The following NRG3 variants were observed in gnomAD, a reference collection of about 807,000 sequenced individuals.
NRG3 encodes pro-neuregulin-3, membrane-bound isoform.
NRG3 carries 31 observed loss-of-function variants against 66.9 expected under a neutral mutation model. The observed-to-expected ratio is 0.46, with a 90% CI of 0.35 to 0.63. The LOEUF is 0.63. NRG3 is among the 20% of genes least tolerant of loss of function. NRG3 has a pLI of 0.00. For missense variants in NRG3, 910 were observed against 878.9 expected, an observed-to-expected ratio of 1.04 and a Z score of -0.45; for synonymous variants, 393 against 359.4, an observed-to-expected ratio of 1.09 and a Z score of -1.06.
At chr10:82,360,059 A>G (rs1329841998) in intron 2 of NRG3, among the ~76,000 whole-genome samples, 2 of 152,142 alleles carry the variant, frequency 1.3e-5, no homozygotes, top group Non-Finnish European at 2.9e-5. Flanking sequence ...TAGAACTGTG[A>G]CCTTTCCTCA....
At chr10:82,575,731 T>C (rs2045987972) in intron 2 of NRG3, among the ~76,000 whole-genome samples, 1 of 151,798 alleles carries the variant, frequency 6.6e-6, no homozygotes, top group African/African-American at 2.4e-5. Flanking sequence ...TATAGATTAA[T>C]TGAAACAGCA....
At chr10:82,445,942 C>T (rs2090699218) in intron 2 of NRG3, among the ~76,000 whole-genome samples, 3 of 152,174 alleles carry the variant, frequency 2.0e-5, no homozygotes, top group South Asian at 4.1e-4. Flanking sequence ...CTCTAATGTG[C>T]TTCTTTGGCC....
intron 1 of NRG3, among the ~76,000 whole-genome samples, chr10:82,309,257 C>T (rs541121556): frequency 2.6e-5 from 4 of 152,248 alleles, no homozygotes; most frequent in South Asian, 2.1e-4. Flanking sequence ...GGGTTTTATA[C>T]AAATTGTTAT....
intron 1 of NRG3, among the ~76,000 whole-genome samples, chr10:81,925,953 T>C (rs1044973581): frequency 6.6e-6 from 1 of 151,952 alleles, no homozygotes; most frequent in Admixed American, 6.6e-5. Context: ...TAAATTACAG[T>C]GACTGTAAGA....
At chr10:82,843,606 TA>T (rs2063167620) in intron 3 of NRG3, among the ~76,000 whole-genome samples, 1 of 152,098 alleles carries the variant, frequency 6.6e-6, no homozygotes, top group South Asian at 2.1e-4. Context: ...TTAAAATAAA[TA>T]CAAACAACTG....
chr10:82,365,020 T>G (rs2084430785), intron 2 of NRG3, among the ~76,000 whole-genome samples: 1 of 152,178 alleles, frequency 6.6e-6, no homozygotes, highest in African/African-American at 2.4e-5. Flanking sequence ...AAATAAAAGC[T>G]TCCATTTTTA....
intron 1 of NRG3, among the ~76,000 whole-genome samples, chr10:82,216,741 A>G (rs1483151593): frequency 6.6e-6 from 1 of 152,114 alleles, no homozygotes; most frequent in East Asian, 1.9e-4. Flanking sequence ...AACTGAAAAT[A>G]ATCATCTCTG....
Position 81,951,021 on chromosome 10 carries a change from G to A in NRG3, c.823+74858G>A, listed in dbSNP as rs116664750. ...TAATTAGGGTGGACACAAAACAATC[G>A]AATATCTGGATTTGACCATTGGAGG... On this transcript the variant is annotated intron_variant, in intron 1 of 8. Transcript: ENST00000372141. Among the ~76,000 whole-genome samples, 75 of 152,158 alleles carry A rather than the reference G, an allele frequency of 4.9e-4. 2 individuals are homozygous for A. The highest frequency in any genetic ancestry group is 1.7e-3 in the African/African-American group (69 of 41,526).
At chr10:81,970,599 A>G (rs11816839) in intron 1 of NRG3, among the ~76,000 whole-genome samples, 3,940 of 152,178 alleles carry the variant, frequency 0.026, 171 homozygotes, top group East Asian at 0.12. Context: ...TGAACCCACC[A>G]TATGTTGAAT....
intron 1 of NRG3, among the ~76,000 whole-genome samples, chr10:82,271,339 A>C (rs1220770100): frequency 6.6e-6 from 1 of 152,024 alleles, no homozygotes; most frequent in Non-Finnish European, 1.5e-5. Context: ...ACTTTTTTTG[A>C]GCTTCAACAC....
Position 82,702,707 on chromosome 10 carries a change from G to C in NRG3, c.954-35870G>C, listed in dbSNP as rs376918697. ...GTTGTTGTTGTTTTTTCTCATCTCCGACTTGAAAACTGAAGGGACACACGA... is the reference window on the plus strand; with the variant it reads ...GTTGTTGTTGTTTTTTCTCATCTCCCACTTGAAAACTGAAGGGACACACGA... On this transcript the variant is annotated intron_variant, in intron 2 of 8. Coordinates refer to ENST00000372141, the MANE Select transcript of NRG3 (RefSeq NM_001010848.4). 1.5e-4 allele frequency among the ~76,000 whole-genome samples: 23 copies of C among 152,148 alleles called. No homozygotes were observed. In the South Asian group the frequency reaches 2.3e-3, roughly 15 times the overall value.
At chr10:82,489,772 C>A (rs768530179) in intron 2 of NRG3, among the ~76,000 whole-genome samples, 11 of 152,082 alleles carry the variant, frequency 7.2e-5, no homozygotes, top group Non-Finnish European at 1.2e-4. Context: ...GTATTCTTAT[C>A]AAAATCTATT....
intron 1 of NRG3, among the ~76,000 whole-genome samples, chr10:81,876,759 T>G (rs1461023126): frequency 2.0e-5 from 3 of 152,044 alleles, no homozygotes; most frequent in Non-Finnish European, 4.4e-5. Flanking sequence ...ACTGGGAGAC[T>G]TGGGGAAAGG....
intron 1 of NRG3, among the ~76,000 whole-genome samples, chr10:82,167,329 C>T (rs993952992): frequency 3.3e-5 from 5 of 151,956 alleles, no homozygotes; most frequent in East Asian, 1.9e-4. Flanking sequence ...TTTTATGATT[C>T]GTAGGCTGGA....
chr10:82,976,735 C>T (rs141433178), intron 7 of NRG3, among the ~76,000 whole-genome samples: 23 of 152,236 alleles, frequency 1.5e-4, no homozygotes, highest in East Asian at 5.8e-4. Context: ...ATGAGATAGA[C>T]GGCAGGGAGG....
At chr10:82,449,747 C>G (rs1156821747) in intron 2 of NRG3, among the ~76,000 whole-genome samples, 1 of 152,150 alleles carries the variant, frequency 6.6e-6, no homozygotes, top group South Asian at 2.1e-4. Context: ...CCCTACTCAA[C>G]GTCTTTCAGG....
chr10:82,659,834 T>C (rs1294305220), intron 2 of NRG3, among the ~76,000 whole-genome samples: 2 of 152,118 alleles, frequency 1.3e-5, no homozygotes, highest in Non-Finnish European at 2.9e-5. Flanking sequence ...CTGTTATTAC[T>C]GGACTGTTGG....
At chr10:82,831,538 G>A (rs1024979236) in intron 3 of NRG3, among the ~76,000 whole-genome samples, 1 of 152,164 alleles carries the variant, frequency 6.6e-6, no homozygotes, top group African/African-American at 2.4e-5. Context: ...AGTCTTGGCT[G>A]GGCGCAGTGG....
chr10:82,452,031 C>T (rs1187435846), intron 2 of NRG3, among the ~76,000 whole-genome samples: 1 of 152,136 alleles, frequency 6.6e-6, no homozygotes, highest in Admixed American at 6.5e-5. Context: ...CCAGCATGGC[C>T]TCTTCTATTG....
Sources: allele counts gnomAD v4.1 joint callset (sites outside exome capture counted in the v4.1 genomes callset), GRCh38; gene constraint gnomAD v4.1.1; transcripts MANE v1.5; gene names NCBI Gene and HGNC (gene_info 2026-07-23, HGNC 2026-07-21).